The following MANBA variants were observed in gnomAD, a reference collection of about 807,000 sequenced individuals.
MANBA encodes the protein mannosidase beta, also known as beta-mannosidase.
In MANBA, 83 loss-of-function variants were observed where a neutral mutation model predicts 111.1. The observed-to-expected ratio is 0.75, with a 90% CI of 0.63 to 0.90. The LOEUF (loss-of-function observed/expected upper bound fraction) is 0.90. Ranked by LOEUF, MANBA falls within the 40% of genes least tolerant of loss-of-function variation. MANBA has a pLI of 0.00. For synonymous variants in MANBA, 370 were observed against 378.7 expected (o/e 0.98, Z 0.27); for missense variants, 1,036 against 1,069.0 (o/e 0.97, Z 0.43).
chr4:102,734,216 G>A, intron 1 of MANBA: 1 of 711,186 alleles, frequency 1.4e-6, no homozygotes, highest in Non-Finnish European at 2.3e-6. Context: ...AGGAGGTTAT[G>A]TGAGAACCCT....
intron 2 of MANBA, among the ~76,000 whole-genome samples, chr4:102,726,209 A>G (rs1241505490): frequency 6.6e-6 from 1 of 152,110 alleles, no homozygotes; most frequent in Non-Finnish European, 1.5e-5. Context: ...TTTGCTTATA[A>G]TAACAGAACA....
At position 102,690,588 on chromosome 4, in the gene MANBA, T is replaced by C. The variant is rs752544086; in HGVS notation, c.849+8A>G. The C allele has an allele frequency of 9.3e-6, 15 of 1,608,270 alleles. No homozygotes were observed. The Admixed American group carries it at 1.2e-4, about 13-fold the overall frequency. On this transcript the variant is annotated splice_region_variant and intron_variant, in intron 6 of 16. Transcript: ENST00000647097. ...ATCCAGTGCTTCTCAGGAAGTACCA[T>C]CATTTACCTTGCTAATGTTCACAAA... is the stretch of plus-strand genomic sequence containing the variant.
chr4:102,653,081 T>A (rs150217856), intron 12 of MANBA, among the ~76,000 whole-genome samples: 1 of 152,136 alleles, frequency 6.6e-6, no homozygotes, highest in African/African-American at 2.4e-5. Flanking sequence ...ACAAATCATA[T>A]GGTTAAAATG....
intron 9 of MANBA, among the ~76,000 whole-genome samples, chr4:102,670,708 A>G (rs942989537): frequency 6.6e-6 from 1 of 151,892 alleles, no homozygotes; most frequent in Non-Finnish European, 1.5e-5. Flanking sequence ...GCTGGATGCT[A>G]ATTTACTAAA....
In MANBA at chr4:102,637,549, G is replaced by C. The variant is rs904579824; in HGVS notation, c.2015-1542C>G. Among the ~76,000 whole-genome samples, 11 of 152,306 alleles carry C rather than the reference G, an allele frequency of 7.2e-5. No homozygotes were observed. In the East Asian group the frequency reaches 2.1e-3, roughly 29 times the overall value. ...CATTTCTACATGGTTATCAATCATG[G>C]CTGTCCAATGAAGTCTCCCTATAAC... On this transcript the variant is annotated intron_variant, in intron 14 of 16. Transcript: ENST00000647097.
At chr4:102,674,122 T>C (rs754876201) in intron 7 of MANBA, 52 bp from the exon 8 acceptor site, 81 of 1,416,970 alleles carry the variant, frequency 5.7e-5, no homozygotes, top group Middle Eastern at 2.1e-4. Context: ...ATAAGCAAAA[T>C]AGTTTTTTTA....
At position 102,731,097 on chromosome 4, in the gene MANBA, CT is replaced by C. The variant is rs527709084; in HGVS notation, c.178-4415del. On this transcript the variant is annotated intron_variant, in intron 1 of 16. Transcript: ENST00000647097. The stretch of plus-strand genomic sequence containing the variant: ...GGACTGCGTTGAGGATAAAAACCCC[CT>C]GGTCTCCTTTGTTCTCTGTGCTCTT... 1.9e-3 allele frequency among the ~76,000 whole-genome samples: 296 copies of C among 152,284 alleles called. 1 individual carries two copies. The highest frequency in any genetic ancestry group is 0.017 in the Middle Eastern group (5 of 294).
At chr4:102,694,313 A>G (rs886387789) in intron 5 of MANBA, among the ~76,000 whole-genome samples, 1 of 152,144 alleles carries the variant, frequency 6.6e-6, no homozygotes, top group Non-Finnish European at 1.5e-5. Flanking sequence ...TCTTCTTTCA[A>G]ATAGAGTAAA....
At chr4:102,692,633 A>C (rs1732534150) in intron 5 of MANBA, among the ~76,000 whole-genome samples, 1 of 152,130 alleles carries the variant, frequency 6.6e-6, no homozygotes, top group Non-Finnish European at 1.5e-5. Flanking sequence ...TAGAGTCAGC[A>C]AAAAAAGTTC....
rs1007227805 is a variant in MANBA, at chr4:102,668,961, A to G, written c.1317+2T>C. The G allele has an allele frequency of 1.6e-5, 26 of 1,605,970 alleles. No homozygotes were observed. Among genetic ancestry groups the G allele is most frequent in the Non-Finnish European group, 2.0e-5 (24 of 1,172,830 alleles). On this transcript the variant is annotated splice_donor_variant, in intron 10 of 16. Transcript: ENST00000647097. LOFTEE classifies it high-confidence loss of function. ...TTTCTTCTTGGAAGGGTAGTAACAT[A>G]CCTGGTAGGCAACTTCTGCTGTCAC...
chr4:102,711,247 C>A (rs2110269936), intron 5 of MANBA, among the ~76,000 whole-genome samples: 1 of 152,156 alleles, frequency 6.6e-6, no homozygotes, highest in East Asian at 1.9e-4. Context: ...CTGGAATACA[C>A]AAGGAACTCA....
At chr4:102,730,009 C>T in intron 1 of MANBA, 1 of 838,452 alleles carries the variant, frequency 1.2e-6, no homozygotes, top group Non-Finnish European at 2.0e-6. Flanking sequence ...CTGCCCTCAC[C>T]ATAGCCTCCG....
chr4:102,743,430 T>C (rs1723481375), intron 1 of MANBA, among the ~76,000 whole-genome samples: 1 of 152,230 alleles, frequency 6.6e-6, no homozygotes, highest in South Asian at 2.1e-4. Context: ...GGGGCTGTAG[T>C]GCTGCAGCTA....
intron 1 of MANBA, among the ~76,000 whole-genome samples, chr4:102,756,311 C>A (rs1458801069): frequency 6.6e-6 from 1 of 152,160 alleles, no homozygotes; most frequent in Non-Finnish European, 1.5e-5. Flanking sequence ...AGGATGAGTT[C>A]ATGTCCTTTG....
chr4:102,675,019 C>G (rs1426093682), intron 7 of MANBA, among the ~76,000 whole-genome samples: 1 of 152,150 alleles, frequency 6.6e-6, no homozygotes, highest in Non-Finnish European at 1.5e-5. Context: ...CAAGAAGATA[C>G]AGAATATGTC....
At chr4:102,668,903 A>C in intron 10 of MANBA, 60 bp downstream of exon 10, 1 of 1,380,570 alleles carries the variant, frequency 7.2e-7, no homozygotes. Context: ...AAGATTTAAC[A>C]AAAGGCAATA....
At chr4:102,737,636 C>T (rs1169208993) in intron 1 of MANBA, among the ~76,000 whole-genome samples, 1 of 152,148 alleles carries the variant, frequency 6.6e-6, no homozygotes, top group African/African-American at 2.4e-5. Flanking sequence ...GCGCCCGCCA[C>T]CACGCCTGGC....
At position 102,661,776 on chromosome 4, in the gene MANBA, A is replaced by G. The variant is rs75644923; in HGVS notation, c.1485+2909T>C. On this transcript the variant is annotated intron_variant, in intron 11 of 16. Transcript: ENST00000647097. The stretch of plus-strand genomic sequence containing the variant: ...TTATTTGTTGCAAATCTCACAGATG[A>G]CATCTTTCTAAGCCATGACCTTAAA... Among the ~76,000 whole-genome samples the G allele has an allele frequency of 3.6e-3, 556 of 152,342 alleles. 3 individuals carry two copies. Among genetic ancestry groups the G allele is most frequent in the African/African-American group, 0.013 (536 of 41,572 alleles).
At chr4:102,727,401 G>A (rs747070403) in intron 1 of MANBA, 16 of 912,576 alleles carry the variant, frequency 1.8e-5, no homozygotes, top group Non-Finnish European at 2.9e-5. Flanking sequence ...GATGAATCAG[G>A]AGGCCTGTCC....
Sources: gnomAD v4.1 joint callset for allele counts (sites outside exome capture counted in the v4.1 genomes callset) on GRCh38, gnomAD v4.1.1 for gene constraint, MANE v1.5 for transcripts, NCBI Gene and HGNC (gene_info 2026-07-23, HGNC 2026-07-21) for gene names.